GLMN: variants seen among roughly 807,000 people sequenced by gnomAD.
GLMN encodes the protein glomulin, FKBP associated protein.
GLMN carries 75 observed loss-of-function variants against 87.8 expected under a neutral mutation model. The observed-to-expected ratio is 0.85, with a 90% CI of 0.71 to 1.04. GLMN has a LOEUF of 1.04. GLMN is among the 50% of genes least tolerant of loss of function. The probability of loss-of-function intolerance (pLI) is 0.00; values close to 1 mark genes in which losing one functional copy is unlikely to be tolerated. For missense variants in GLMN, 588 were observed against 658.8 expected (o/e 0.89, Z 1.18); for synonymous variants, 206 against 221.6 (o/e 0.93, Z 0.63).
chr1:92,303,463 C>T (rs971751357), upstream of GLMN, among the ~76,000 whole-genome samples: 7 of 152,300 alleles, frequency 4.6e-5, no homozygotes, highest in East Asian at 9.6e-4. Flanking sequence ...ACCATCACCT[C>T]ACCACTCTGT....
chr1:92,267,827 G>T, intron 11 of GLMN, 86 bp downstream of exon 11: 1 of 786,450 alleles, frequency 1.3e-6, no homozygotes, highest in Non-Finnish European at 2.3e-6. Flanking sequence ...AGAGAAAAGA[G>T]TGGGAAAGGA....
chr1:92,334,464 A>G, the GLMN span, among the ~76,000 whole-genome samples: 1 of 152,218 alleles, frequency 6.6e-6, no homozygotes, highest in Admixed American at 6.5e-5. Context: ...TATATAAGAA[A>G]GTGCCTTTGT....
Position 92,282,692 on chromosome 1 carries a change from C to CT in GLMN, c.735+3797dup, listed in dbSNP as rs531075204. On this transcript the variant is annotated intron_variant, in intron 7 of 18. Coordinates refer to ENST00000370360, the MANE Select transcript of GLMN (RefSeq NM_053274.3). ...AAAAAATCAATGAATCCAGGAGCTG[C>CT]TTTTTTGAAAAGATCAACAAAATAC... Among the ~76,000 whole-genome samples, 404 of 152,010 alleles carry CT rather than the reference C, an allele frequency of 2.7e-3. 2 individuals carry two copies. Among genetic ancestry groups the CT allele is most frequent in the Non-Finnish European group, 2.6e-3 (174 of 67,946 alleles).
At chr1:92,254,185 TAATGA>T (rs1653922663) in intron 16 of GLMN, among the ~76,000 whole-genome samples, 3 of 152,010 alleles carry the variant, frequency 2.0e-5, no homozygotes, top group Admixed American at 2.0e-4. Context: ...AAGATCAACT[TAATGA>T]AATAAAGTGT....
the GLMN span, among the ~76,000 whole-genome samples, chr1:92,316,948 G>C: frequency 1.3e-5 from 2 of 152,256 alleles, no homozygotes; most frequent in South Asian, 4.1e-4. Flanking sequence ...AGATAGTTAA[G>C]ATCTAGAAAC....
chr1:92,309,398 T>A, the GLMN span, among the ~76,000 whole-genome samples: 1 of 149,300 alleles, frequency 6.7e-6, no homozygotes, highest in South Asian at 2.2e-4. Flanking sequence ...GCTGAGATCG[T>A]GCCACTGCAC....
intron 7 of GLMN, among the ~76,000 whole-genome samples, chr1:92,274,538 A>G (rs1446454780): frequency 2.0e-5 from 3 of 152,128 alleles, no homozygotes; most frequent in African/African-American, 7.2e-5. Context: ...AATTCCTGCT[A>G]TGATCCTGGG....
intron 16 of GLMN, among the ~76,000 whole-genome samples, chr1:92,256,478 T>C (rs1225682054): frequency 1.3e-5 from 2 of 152,228 alleles, no homozygotes; most frequent in African/African-American, 4.8e-5. Context: ...CCAATATCCC[T>C]GATGAACATC....
At chr1:92,335,165 AG>A in the GLMN span, among the ~76,000 whole-genome samples, 1 of 151,878 alleles carries the variant, frequency 6.6e-6, no homozygotes, top group Middle Eastern at 3.2e-3. Context: ...ACACTGTATG[AG>A]GGTTCCCTTT....
In GLMN at chr1:92,252,814, T is replaced by C. The variant is rs1255996039; in HGVS notation, c.1474-4825A>G. On this transcript the variant is annotated intron_variant, in intron 16 of 18. Coordinates refer to ENST00000370360, the MANE Select transcript of GLMN (RefSeq NM_053274.3). The stretch of plus-strand genomic sequence containing the variant: ...TTTTAAAATAGTTATAATTAAAAAT[T>C]TGAAATGTTCACAAATACCTGCTTT... 2.6e-5 allele frequency among the ~76,000 whole-genome samples: 4 copies of C among 152,314 alleles called. No individual in the cohort carries two copies. In the East Asian group the frequency reaches 5.8e-4, roughly 22 times the overall value.
chr1:92,312,885 G>C, the GLMN span, among the ~76,000 whole-genome samples: 1 of 151,070 alleles, frequency 6.6e-6, no homozygotes, highest in East Asian at 1.9e-4. Context: ...GCAGTGGCGC[G>C]ATCTTGGCTC....
Position 92,247,072 on chromosome 1 carries a change from A to G in GLMN, c.1658T>C (p.Met553Thr), listed in dbSNP as rs1475738867. 3.9e-6 allele frequency: 6 copies of G among 1,521,734 alleles called. No individual in the cohort carries two copies. The Admixed American group carries it at 5.0e-5, about 13-fold the overall frequency. 94.3% of individuals were successfully genotyped at this position (1,521,734 alleles called of 1,614,324 possible). A position where few individuals can be genotyped will look rare whatever the true frequency, so the allele number is the denominator to read the frequency against. The stretch of plus-strand genomic sequence containing the variant: ...AAAATTTCAGATCACCTTAAGCTGC[A>G]TTTCAGGAGGCATATTAGGGATCTC... ...GEEIPNMPPE[M>T]QLKVLHSALF... The change falls in exon 18 of 19, where the codon ATG becomes ACG. Residue 553 changes from methionine to threonine, a missense_variant. Transcript: ENST00000370360.
chr1:92,273,369 T>C (rs536987739), intron 7 of GLMN, among the ~76,000 whole-genome samples: 3 of 152,080 alleles, frequency 2.0e-5, no homozygotes, highest in African/African-American at 7.2e-5. Context: ...ATTCCAAATG[T>C]CCTTAATCAT....
the GLMN span, among the ~76,000 whole-genome samples, chr1:92,321,506 CT>C: frequency 6.6e-6 from 1 of 151,892 alleles, no homozygotes; most frequent in Non-Finnish European, 1.5e-5. Context: ...CCACAGCTTG[CT>C]TCTTGACCCA....
chr1:92,285,766 C>T (rs938849157), intron 7 of GLMN, among the ~76,000 whole-genome samples: 4 of 152,172 alleles, frequency 2.6e-5, no homozygotes, highest in African/African-American at 7.2e-5. Flanking sequence ...CTGAAGAAAA[C>T]TACACAGCCA....
chr1:92,317,809 A>C, the GLMN span, among the ~76,000 whole-genome samples: 8,066 of 152,250 alleles, frequency 0.053, 572 homozygotes, highest in African/African-American at 0.17. Flanking sequence ...AAAAATAACA[A>C]GTTGTATAGC....
intron 3 of GLMN, among the ~76,000 whole-genome samples, chr1:92,293,257 T>C (rs1350649811): frequency 6.6e-6 from 1 of 152,046 alleles, no homozygotes; most frequent in Non-Finnish European, 1.5e-5. Context: ...CAATGGGATA[T>C]CATCTCACCC....
chr1:92,315,711 ACCTCCATACTT>A, the GLMN span, among the ~76,000 whole-genome samples: 1 of 152,166 alleles, frequency 6.6e-6, no homozygotes, highest in East Asian at 1.9e-4. Flanking sequence ...CATAAATTCT[ACCTCCATACTT>A]TTATAAGGTT....
chr1:92,296,345 G>A (rs546651248), intron 3 of GLMN, among the ~76,000 whole-genome samples: 14 of 152,276 alleles, frequency 9.2e-5, no homozygotes, highest in Non-Finnish European at 1.2e-4. Flanking sequence ...AGGTTTAATT[G>A]ACATGCAGTT....
Sources: gnomAD v4.1 joint callset for allele counts (sites outside exome capture counted in the v4.1 genomes callset) on GRCh38, gnomAD v4.1.1 for gene constraint, MANE v1.5 for transcripts, NCBI Gene and HGNC (gene_info 2026-07-23, HGNC 2026-07-21) for gene names.